Variants in FGF10 observed in about 807,000 individuals in gnomAD.
FGF10 encodes the protein fibroblast growth factor 10.
FGF10 carries 2 observed loss-of-function variants against 19.8 expected under a neutral mutation model. That is an observed-to-expected ratio of 0.10 (90% CI 0.04 to 0.32). FGF10 has a LOEUF of 0.32. Ranked by LOEUF, FGF10 falls within the 10% of genes least tolerant of loss-of-function variation. The pLI, the probability that FGF10 is intolerant of heterozygous loss-of-function variation, is 1.00. For missense variants in FGF10, 191 were observed against 246.3 expected (o/e 0.78, Z 1.50); for synonymous variants, 112 against 94.0 (o/e 1.19, Z -1.10).
rs767735212 is a variant in FGF10 at position 44,388,383 on chromosome 5, C to A, written c.300G>T (p.Gly100=). Residue 100 remains glycine (G), a synonymous_variant, in exon 1 of 3, where the codon GGG becomes GGT. Transcript: ENST00000264664. ...TGTACGGGCAGTTCTCCTTCTTGGT[C>A]CCGCTGACCTTCCCGTTCTTCTCAA... ...LKIEKNGKVS[G]TKKENCPYSI... The A allele has an allele frequency of 7.4e-6, 12 of 1,613,374 alleles. No homozygotes were observed. The highest frequency in any genetic ancestry group is 5.3e-5 in the African/African-American group (4 of 74,890).
intron 1 of FGF10, among the ~76,000 whole-genome samples, chr5:44,369,378 G>C (rs1319301556): frequency 6.6e-6 from 1 of 152,090 alleles, no homozygotes; most frequent in Non-Finnish European, 1.5e-5. Flanking sequence ...AGTTTTGGAG[G>C]CTGGGCTGCA....
At chr5:44,344,075 G>A (rs903808062) in intron 1 of FGF10, among the ~76,000 whole-genome samples, 3 of 151,914 alleles carry the variant, frequency 2.0e-5, no homozygotes. Flanking sequence ...GTGAACAAAT[G>A]TGAATCCAGA....
chr5:44,345,961 C>G (rs1389206886), intron 1 of FGF10, among the ~76,000 whole-genome samples: 1 of 151,818 alleles, frequency 6.6e-6, no homozygotes, highest in Non-Finnish European at 1.5e-5. Flanking sequence ...AAATTCAATA[C>G]ATATGTTGAT....
At chr5:44,387,741 C>CCAAAA (rs148064270) in intron 1 of FGF10, among the ~76,000 whole-genome samples, 4,041 of 151,886 alleles carry the variant, frequency 0.027, 179 homozygotes, top group African/African-American at 0.09. Flanking sequence ...CATAAGGGAC[C>CCAAAA]CAAAACAAAA....
intron 1 of FGF10, among the ~76,000 whole-genome samples, chr5:44,333,560 G>C (rs1252564532): frequency 6.6e-6 from 1 of 152,138 alleles, no homozygotes; most frequent in Non-Finnish European, 1.5e-5. Context: ...CCATTATTTT[G>C]ATGGCCCCAT....
At chr5:44,380,122 A>G (rs1399476473) in intron 1 of FGF10, among the ~76,000 whole-genome samples, 1 of 152,208 alleles carries the variant, frequency 6.6e-6, no homozygotes, top group Non-Finnish European at 1.5e-5. Flanking sequence ...TACCATTATA[A>G]AGGTATCTTA....
Position 44,304,891 on chromosome 5 carries a change from T to C in FGF10, c.*104A>G. 1 of 1,170,126 alleles carries C rather than the reference T, an allele frequency of 8.5e-7. No individual in the cohort carries two copies. Among genetic ancestry groups the C allele is most frequent in the East Asian group, 2.3e-5 (1 of 42,726 alleles). 72.5% of individuals were successfully genotyped at this position (1,170,126 alleles called of 1,614,324 possible). ...GCTTTCTTTTAAGCAAGCAGACATC[T>C]GCAACGTGTCTTTGCCTTTCAATCT... is the stretch of plus-strand genomic sequence containing the variant. On this transcript the variant is annotated 3_prime_UTR_variant, in exon 3 of 3. Coordinates refer to ENST00000264664, the MANE Select transcript of FGF10 (RefSeq NM_004465.2).
intron 1 of FGF10, among the ~76,000 whole-genome samples, chr5:44,382,351 G>A (rs1443212904): frequency 6.6e-6 from 1 of 152,128 alleles, no homozygotes; most frequent in East Asian, 1.9e-4. Context: ...TAGATGTCTT[G>A]AAACTTTCTA....
intron 2 of FGF10, among the ~76,000 whole-genome samples, chr5:44,305,834 G>C (rs1740064266): frequency 6.6e-6 from 1 of 152,150 alleles, no homozygotes; most frequent in Non-Finnish European, 1.5e-5. Flanking sequence ...TCTAGGGATT[G>C]AAAACTAGGA....
chr5:44,386,939 T>C (rs1742111903), intron 1 of FGF10, among the ~76,000 whole-genome samples: 1 of 152,244 alleles, frequency 6.6e-6, no homozygotes, highest in South Asian at 2.1e-4. Context: ...TACCTGGTAC[T>C]TTCTAAACCA....
chr5:44,314,939 G>A (rs1275463396), intron 1 of FGF10, among the ~76,000 whole-genome samples: 1 of 152,046 alleles, frequency 6.6e-6, no homozygotes. Flanking sequence ...TATAGACAAG[G>A]AAAACTAGAT....
chr5:44,339,487 T>C (rs932723400), intron 1 of FGF10, among the ~76,000 whole-genome samples: 1 of 152,208 alleles, frequency 6.6e-6, no homozygotes, highest in Non-Finnish European at 1.5e-5. Context: ...GCTTTCTTTA[T>C]ATAAGTGGGC....
chr5:44,361,366 C>A lies in FGF10; in HGVS notation c.325+26992G>T, dbSNP rs1243197003. Among the ~76,000 whole-genome samples the A allele has an allele frequency of 2.6e-5, 4 of 151,610 alleles. No homozygotes were observed. The South Asian group carries it at 6.2e-4, about 24-fold the overall frequency. On this transcript the variant is annotated intron_variant, in intron 1 of 2. Coordinates refer to ENST00000264664, the MANE Select transcript of FGF10 (RefSeq NM_004465.2). ...ATTTTAATGCTGAGGCATTTGAAGG[C>A]CACTCAAGGGGTCCACCCATCCTTC... is the stretch of plus-strand genomic sequence containing the variant.
chr5:44,316,494 T>C (rs1740353546), intron 1 of FGF10, among the ~76,000 whole-genome samples: 1 of 152,154 alleles, frequency 6.6e-6, no homozygotes, highest in African/African-American at 2.4e-5. Flanking sequence ...TAATTCTAGA[T>C]TGGAGTAGAG....
At chr5:44,347,606 TG>T (rs1290979578) in intron 1 of FGF10, among the ~76,000 whole-genome samples, 2 of 151,670 alleles carry the variant, frequency 1.3e-5, no homozygotes, top group Non-Finnish European at 3.0e-5. Flanking sequence ...CACTCTTTTT[TG>T]GGGGGCACCT....
At chr5:44,354,962 T>G (rs1446979095) in intron 1 of FGF10, among the ~76,000 whole-genome samples, 1 of 151,494 alleles carries the variant, frequency 6.6e-6, no homozygotes, top group Non-Finnish European at 1.5e-5. Flanking sequence ...AGTTCCCTTT[T>G]TCATTCATCA....
At chr5:44,369,295 G>A (rs1204181743) in intron 1 of FGF10, among the ~76,000 whole-genome samples, 2 of 152,044 alleles carry the variant, frequency 1.3e-5, no homozygotes, top group Admixed American at 6.6e-5. Flanking sequence ...AGACATTAAA[G>A]AACTCTTTGA....
intron 1 of FGF10, among the ~76,000 whole-genome samples, chr5:44,350,559 T>A (rs1170297501): frequency 1.3e-5 from 2 of 151,138 alleles, no homozygotes; most frequent in African/African-American, 2.4e-5. Flanking sequence ...TATAAACATA[T>A]GTATGCATAA....
At chr5:44,317,833 T>G (rs1226797946) in intron 1 of FGF10, among the ~76,000 whole-genome samples, 1 of 152,148 alleles carries the variant, frequency 6.6e-6, no homozygotes, top group Non-Finnish European at 1.5e-5. Flanking sequence ...ATGTCATGTT[T>G]TCAAACATTA....
Sources: gnomAD v4.1 joint callset for allele counts (sites outside exome capture counted in the v4.1 genomes callset) on GRCh38, gnomAD v4.1.1 for gene constraint, MANE v1.5 for transcripts, NCBI Gene and HGNC (gene_info 2026-07-23, HGNC 2026-07-21) for gene names.